The following GET1 variants were observed in gnomAD, a reference collection of about 807,000 sequenced individuals.
GET1 encodes guided entry of tail-anchored proteins factor 1.
A neutral mutation model predicts 22.6 loss-of-function variants in GET1; 20 were observed. The observed-to-expected ratio is 0.89, with a 90% CI of 0.62 to 1.29. The LOEUF is 1.29. Among genes scored for constraint, GET1 ranks in the 50% most tolerant of loss-of-function variants. GET1 has a pLI of 0.00. For missense variants in GET1, 209 were observed against 219.9 expected (o/e 0.95, Z 0.31); for synonymous variants, 92 against 83.8 (o/e 1.10, Z -0.53).
chr21:39,400,100 C>G (rs2038802381), downstream of GET1, among the ~76,000 whole-genome samples: 1 of 152,210 alleles, frequency 6.6e-6, no homozygotes, highest in Non-Finnish European at 1.5e-5. Context: ...TTTACTGTCC[C>G]CTGACCTGGG....
At chr21:39,421,993 T>C (rs932899079) in intron 1 of GET1, 1 of 152,204 alleles carries the variant, frequency 6.6e-6, no homozygotes. Flanking sequence ...TACGCTAAGA[T>C]GAATACAATA....
At chr21:39,390,579 C>T (rs111394087) in intron 1 of GET1, 119 bp from the exon 2 acceptor site, 50 of 1,330,864 alleles carry the variant, frequency 3.8e-5, no homozygotes, top group Admixed American at 4.7e-5. Flanking sequence ...CCTGCAGGGA[C>T]GCACACAACT....
chr21:39,387,591 G>T (rs2037988437), intron 1 of GET1, among the ~76,000 whole-genome samples: 1 of 152,110 alleles, frequency 6.6e-6, no homozygotes, highest in Non-Finnish European at 1.5e-5. Flanking sequence ...AGCTGGATTT[G>T]AACCCCCTAC....
downstream of GET1, chr21:39,406,715 CTG>C: frequency 1.2e-6 from 1 of 850,572 alleles, no homozygotes; most frequent in Non-Finnish European, 1.8e-6. Context: ...CACAAGCACA[CTG>C]AAATGACAGA....
rs934763491 is a variant in GET1, at chr21:39,397,457, G to T, written c.*518G>T. 6.5e-6 allele frequency: 1 copy of T among 153,528 alleles called. No homozygotes were observed. The highest frequency in any genetic ancestry group is 1.9e-4 in the East Asian group (1 of 5,212). 9.5% of individuals were successfully genotyped at this position (153,528 alleles called of 1,614,324 possible). A position where few individuals can be genotyped will look rare whatever the true frequency, so the allele number is the denominator to read the frequency against. On this transcript the variant is annotated 3_prime_UTR_variant, in exon 5 of 5. Transcript: ENST00000649170. ...CATTGCGTGGGCTTTTTCTCCCTTT[G>T]TTTAAAATGTCATTTGTTGAGCAAG... is the stretch of plus-strand genomic sequence containing the variant.
At chr21:39,410,471 C>T (rs145197332), downstream of GET1, 1 of 607,474 alleles carries the variant, frequency 1.6e-6, no homozygotes, top group East Asian at 2.9e-5. Flanking sequence ...ATAAAGTATA[C>T]TAAGTATTTT....
chr21:39,390,454 G>T (rs547159238), intron 1 of GET1, among the ~76,000 whole-genome samples: 1 of 152,284 alleles, frequency 6.6e-6, no homozygotes, highest in South Asian at 2.1e-4. Context: ...ACTTTGTCAT[G>T]GTGGGGCTAG....
chr21:39,416,774 CATT>C (rs1337258260), intron 1 of GET1, among the ~76,000 whole-genome samples: 1 of 152,160 alleles, frequency 6.6e-6, no homozygotes, highest in African/African-American at 2.4e-5. Context: ...ACATCAACAT[CATT>C]ACCAACTATA....
At chr21:39,399,615 A>G (rs1358408956), downstream of GET1, among the ~76,000 whole-genome samples, 1 of 151,624 alleles carries the variant, frequency 6.6e-6, no homozygotes, top group Non-Finnish European at 1.5e-5. Context: ...TATTTTTTGT[A>G]TGTTTAGTAG....
At chr21:39,400,204 C>CA (rs1325179590), downstream of GET1, among the ~76,000 whole-genome samples, 1 of 151,970 alleles carries the variant, frequency 6.6e-6, no homozygotes, top group African/African-American at 2.4e-5. Context: ...TGACAGCCCC[C>CA]CGGAACCGGA....
At chr21:39,384,035 C>T (rs367543807) in intron 1 of GET1, among the ~76,000 whole-genome samples, 193 of 151,518 alleles carry the variant, frequency 1.3e-3, no homozygotes, top group African/African-American at 4.5e-3. Context: ...GCCACCACCC[C>T]CGGCCTTTTT....
At chr21:39,414,726 CTCT>C (rs1449233738) in intron 1 of GET1, among the ~76,000 whole-genome samples, 1 of 113,998 alleles carries the variant, frequency 8.8e-6, no homozygotes, top group African/African-American at 3.7e-5. Flanking sequence ...CTCTCTCTCT[CTCT>C]CTCTCTCTCT....
intron 3 of GET1, among the ~76,000 whole-genome samples, chr21:39,392,647 C>T (rs372089742): frequency 6.6e-6 from 1 of 152,084 alleles, no homozygotes; most frequent in African/African-American, 2.4e-5. Flanking sequence ...ATAAAGCATC[C>T]CCCACCATTG....
chr21:39,423,596 A>G, intron 1 of GET1: 1 of 914,092 alleles, frequency 1.1e-6, no homozygotes, highest in Non-Finnish European at 1.6e-6. Flanking sequence ...CACACCACAC[A>G]CATACACACA....
At chr21:39,391,469 T>C (rs2038292273) in intron 2 of GET1, 1 of 346,696 alleles carries the variant, frequency 2.9e-6, no homozygotes, top group South Asian at 2.5e-5. Context: ...GAAAATTTAG[T>C]CCTGTTGGTA....
At chr21:39,399,261 G>T (rs2038779194), downstream of GET1, among the ~76,000 whole-genome samples, 2 of 152,064 alleles carry the variant, frequency 1.3e-5, no homozygotes, top group African/African-American at 2.4e-5. Context: ...TACCTAAAAA[G>T]ACAAAAGTAG....
At chr21:39,411,830 C>T (rs902917453) in intron 1 of GET1, 1 of 1,290,234 alleles carries the variant, frequency 7.8e-7, no homozygotes, top group African/African-American at 1.5e-5. Flanking sequence ...ACCAATTTTT[C>T]TATAAATGCT....
chr21:39,406,145 T>C, exon 5 of GET1: 1 of 1,614,276 alleles, frequency 6.2e-7, no homozygotes, highest in Non-Finnish European at 8.5e-7. Context: ...TTCACTTTTA[T>C]TCTGGAAGAC....
At chr21:39,386,772 G>A (rs995216649) in intron 1 of GET1, among the ~76,000 whole-genome samples, 11 of 152,214 alleles carry the variant, frequency 7.2e-5, no homozygotes, top group African/African-American at 2.6e-4. Flanking sequence ...TACACTGCAT[G>A]ATTCTAGAAC....
Sources: gnomAD v4.1 joint callset for allele counts (sites outside exome capture counted in the v4.1 genomes callset) on GRCh38, gnomAD v4.1.1 for gene constraint, MANE v1.5 for transcripts, NCBI Gene and HGNC (gene_info 2026-07-23, HGNC 2026-07-21) for gene names.